Variants in ADM observed in about 807,000 individuals in gnomAD.
The protein encoded by ADM is adrenomedullin, also known as pro-adrenomedullin.
ADM carries 4 observed loss-of-function variants against 9.0 expected under a neutral mutation model. The ratio of observed to expected loss-of-function variants is 0.44; its 90% CI spans 0.22 to 1.02. The LOEUF is 1.02. Among genes scored for constraint, ADM ranks in the 50% least tolerant of loss-of-function variants. The pLI, the probability that ADM is intolerant of heterozygous loss-of-function variation, is 0.24. For synonymous variants in ADM, 107 were observed against 107.2 expected, an observed-to-expected ratio of 1.00 and a Z score of 0.01; for missense variants, 253 against 254.1, an observed-to-expected ratio of 1.00 and a Z score of 0.03.
Position 10,305,244 on chromosome 11 carries a change from C to T in ADM, c.-22+15C>T. The T allele has an allele frequency of 5.8e-6, 1 of 173,534 alleles. No individual in the cohort carries two copies. Among genetic ancestry groups the T allele is most frequent in the Non-Finnish European group, 1.2e-5 (1 of 80,514 alleles). The allele number at this position is 173,534 out of a possible 1,614,324, so 10.7% of individuals were successfully genotyped here. On this transcript the variant is annotated intron_variant, in intron 1 of 3. Transcript: ENST00000278175. ...TCTCTTAGCAGGTAGGTGCCGCAGA[C>T]CCTGCGGGTTAAGAGGTGGGGTGGG...
rs558026162 is a variant in ADM, at chr11:10,305,643, C to G, written c.-21-37C>G. 100 of 1,573,752 alleles carry G rather than the reference C, an allele frequency of 6.4e-5. No individual in the cohort carries two copies. In the African/African-American group the frequency reaches 1.3e-3, roughly 20 times the overall value. On this transcript the variant is annotated intron_variant, in intron 1 of 3. Transcript: ENST00000278175. Reference sequence around the variant, plus strand: ...CCCCGCCCGGGCGGTGCAGCTGGCCCGGGTGCTCACGCTCGACTCTCTTTC... The same window carrying G: ...CCCCGCCCGGGCGGTGCAGCTGGCCGGGGTGCTCACGCTCGACTCTCTTTC...
Position 10,306,312 on chromosome 11 carries a change from C to CGGGGG in ADM, c.249-20_249-19insGGGGG. 7 of 705,868 alleles carry CGGGGG rather than the reference C, an allele frequency of 9.9e-6. No individual in the cohort carries two copies. The highest frequency in any genetic ancestry group is 5.0e-5 in the East Asian group (1 of 20,032). The allele number at this position is 705,868 out of a possible 1,614,324, so 43.7% of individuals were successfully genotyped here. ...GATGGGGTCTCAAGTTGCCTTTCTTCCCCCTCCCCCCGCCCGCAGCAGTCC... is the reference window on the plus strand; with the variant it reads ...GATGGGGTCTCAAGTTGCCTTTCTTCGGGGGCCCCTCCCCCCGCCCGCAGCAGTCC... On this transcript the variant is annotated intron_variant, in intron 3 of 3. Transcript: ENST00000278175.
chr11:10,306,744 C>A lies in ADM; in HGVS notation c.*103C>A. ...CGGTGTGGGGACCGGGCTCTGACAGCCCTGCGGAGACCCTGAGTCCGGGAG... is the reference window on the plus strand; with the variant it reads ...CGGTGTGGGGACCGGGCTCTGACAGACCTGCGGAGACCCTGAGTCCGGGAG... On this transcript the variant is annotated 3_prime_UTR_variant, in exon 4 of 4. Coordinates refer to ENST00000278175, the MANE Select transcript of ADM (RefSeq NM_001124.3). The A allele has an allele frequency of 8.0e-7, 1 of 1,245,054 alleles. No homozygotes were observed. The allele number at this position is 1,245,054 out of a possible 1,614,324, so 77.1% of individuals were successfully genotyped here.
In ADM at chr11:10,306,112, G is replaced by A. The variant is rs756516009; in HGVS notation, c.248+14G>A. 3 of 1,613,508 alleles carry A rather than the reference G, an allele frequency of 1.9e-6. No individual in the cohort carries two copies. In the South Asian group the frequency reaches 3.3e-5, roughly 18 times the overall value. On this transcript the variant is annotated intron_variant, in intron 3 of 3. Transcript: ENST00000278175. ...CCCCGAAGACAGGTAACTACGCCCT[G>A]TGCTGTCCAGGGACGGGAGGGAAGG...
chr11:10,305,847 G>T, intron 2 of ADM, 49 bp downstream of exon 2: 1 of 1,612,698 alleles, frequency 6.2e-7, no homozygotes, highest in South Asian at 1.1e-5. Context: ...GCAGGCAAGG[G>T]GAACTGACCG....
chr11:10,306,000 C>G lies in ADM; in HGVS notation c.150C>G (p.Ser50Arg), dbSNP rs5005. The G allele has an allele frequency of 6.0e-3, 9,707 of 1,613,964 alleles. 204 individuals are homozygous for G. The African/African-American group carries it at 0.064, about 11-fold the overall frequency. Residue 50 changes from serine to arginine, a missense_variant, in exon 3 of 4, where the codon AGC (serine) becomes AGG (arginine). Physicochemically the swap from Ser to Arg is moderately radical, Grantham distance 110 (BLOSUM62 -1). Coordinates refer to ENST00000278175, the MANE Select transcript of ADM (RefSeq NM_001124.3). ...GGAAGAGGGAACTGCGGATGTCCAGCAGCTACCCCACCGGGCTCGCTGACG... is the reference window on the plus strand; with the variant it reads ...GGAAGAGGGAACTGCGGATGTCCAGGAGCTACCCCACCGGGCTCGCTGACG... ...SRGKRELRMS[S>R]SYPTGLADVK...
rs199526740 is a variant in ADM at position 10,306,592 on chromosome 11, C to T, written c.509C>T (p.Ala170Val). ...GRTLVSSKPQ[A>V]HGAPAPPSGS... ...ACTCTGGTGTCTTCTAAGCCACAAG[C>T]ACACGGGGCTCCAGCCCCCCCGAGT... The change falls in exon 4 of 4, where the codon GCA becomes GTA. Residue 170 changes from alanine (A) to valine (V), a missense_variant. Coordinates refer to ENST00000278175, the MANE Select transcript of ADM (RefSeq NM_001124.3). The T allele has an allele frequency of 5.0e-6, 8 of 1,597,538 alleles. No homozygotes were observed. The highest frequency in any genetic ancestry group is 6.8e-6 in the Non-Finnish European group (8 of 1,172,112).
rs1454223086 is a variant in ADM, at chr11:10,306,067, A to G, written c.217A>G (p.Met73Val). ...CCAGACCCTTATTCGGCCCCAGGAC[A>G]TGAAGGGTGCCTCTCGAAGCCCCGA... ...PAQTLIRPQD[M>V]KGASRSPEDS... Residue 73 changes from methionine to valine, a missense_variant, in exon 3 of 4, where the codon ATG becomes GTG. Physicochemically the swap from Met to Val is conservative, Grantham distance 21. Coordinates refer to ENST00000278175, the MANE Select transcript of ADM (RefSeq NM_001124.3). 1.2e-6 allele frequency: 2 copies of G among 1,613,858 alleles called. No homozygotes were observed. The highest frequency in any genetic ancestry group is 1.7e-6 in the Non-Finnish European group (2 of 1,180,006).
rs1366920018 is a variant in ADM, at chr11:10,305,601, C to G, written c.-21-79C>G. On this transcript the variant is annotated intron_variant, in intron 1 of 3. Transcript: ENST00000278175. Reference sequence around the variant, plus strand: ...GGGCTAAACCCGCCTCGCCGGGGCCCCTGCCCGCCCTCCGTGCCCCGCCCG... The same window carrying G: ...GGGCTAAACCCGCCTCGCCGGGGCCGCTGCCCGCCCTCCGTGCCCCGCCCG... The G allele has an allele frequency of 2.3e-6, 3 of 1,317,522 alleles. No homozygotes were observed. The African/African-American group carries it at 4.4e-5, about 19-fold the overall frequency. The allele number at this position is 1,317,522 out of a possible 1,614,324, so 81.6% of individuals were successfully genotyped here. A position where few individuals can be genotyped will look rare whatever the true frequency, so the allele number is the denominator to read the frequency against.
In ADM at chr11:10,305,742, C is replaced by G. The variant is rs756424797; in HGVS notation, c.42C>G (p.Leu14=). 1.4e-5 allele frequency: 23 copies of G among 1,614,048 alleles called. No individual in the cohort carries two copies. Among genetic ancestry groups the G allele is most frequent in the South Asian group, 6.6e-5 (6 of 91,090 alleles). The change falls in exon 2 of 4, where the codon CTC becomes CTG. Residue 14 remains leucine, a synonymous_variant. Transcript: ENST00000278175. ...TCGCCCTGATGTACCTGGGTTCGCTCGCCTTCCTAGGCGCTGACACCGCTC... is the reference window on the plus strand; with the variant it reads ...TCGCCCTGATGTACCTGGGTTCGCTGGCCTTCCTAGGCGCTGACACCGCTC... ...VSVALMYLGS[L]AFLGADTARL... is the part of the protein sequence containing the mutation.
Position 10,305,806 on chromosome 11 carries a change from C to A in ADM, c.98+8C>A. ...GTCGGAGTTTCGAAAGAAGTGAGTCCGGGCAGCGCCTTCCCCCTTGCTGGT... is the reference window on the plus strand; with the variant it reads ...GTCGGAGTTTCGAAAGAAGTGAGTCAGGGCAGCGCCTTCCCCCTTGCTGGT... On this transcript the variant is annotated splice_region_variant and intron_variant, in intron 2 of 3. Coordinates refer to ENST00000278175, the MANE Select transcript of ADM (RefSeq NM_001124.3). 6.2e-7 allele frequency: 1 copy of A among 1,614,058 alleles called. No homozygotes were observed. Among genetic ancestry groups the A allele is most frequent in the Non-Finnish European group, 8.5e-7 (1 of 1,179,978 alleles).
intron 2 of ADM, 43 bp downstream of exon 2, chr11:10,305,841 G>A: frequency 1.2e-6 from 2 of 1,613,044 alleles, no homozygotes; most frequent in Non-Finnish European, 1.7e-6. Context: ...TACCTGGCAG[G>A]CAAGGGGAAC....
chr11:10,307,352 A>G lies in ADM; in HGVS notation c.*711A>G, dbSNP rs1459397203. The G allele has an allele frequency of 6.6e-6, 1 of 152,656 alleles. No individual in the cohort carries two copies. The highest frequency in any genetic ancestry group is 1.5e-5 in the Non-Finnish European group (1 of 68,050). 9.5% of individuals were successfully genotyped at this position (152,656 alleles called of 1,614,324 possible). Reference sequence around the variant, plus strand: ...TCTCTGTATAATCTATTTACATAAAATGGGTGATATGCGAACAGCAAACCA... The same window carrying G: ...TCTCTGTATAATCTATTTACATAAAGTGGGTGATATGCGAACAGCAAACCA... On this transcript the variant is annotated 3_prime_UTR_variant, in exon 4 of 4. Coordinates refer to ENST00000278175, the MANE Select transcript of ADM (RefSeq NM_001124.3). This position sits in a 1 kb window ranked among gnomAD's most constrained non-coding sequence, Gnocchi z 4.5.
chr11:10,306,612 C>T lies in ADM; in HGVS notation c.529C>T (p.Pro177Ser), dbSNP rs373720232. The T allele has an allele frequency of 2.6e-6, 4 of 1,562,574 alleles. No individual in the cohort carries two copies. Among genetic ancestry groups the T allele is most frequent in the African/African-American group, 2.8e-5 (2 of 72,538 alleles). ...KPQAHGAPAPPSGSAPHFL is the reference protein window; with the variant it reads ...KPQAHGAPAPSSGSAPHFL ...ACAAGCACACGGGGCTCCAGCCCCC[C>T]CGAGTGGAAGTGCTCCCCACTTTCT... Residue 177 changes from proline to serine, a missense_variant, in exon 4 of 4, where the codon CCG (proline) becomes TCG (serine). Transcript: ENST00000278175.
At position 10,306,836 on chromosome 11, in the gene ADM, C is replaced by A; in HGVS notation, c.*195C>A. The stretch of plus-strand genomic sequence containing the variant: ...CTTCTGGGGGCTTCGCTTCCTTAGC[C>A]TTGCTCAGGTGCAAGTGCCCCAGGG... On this transcript the variant is annotated 3_prime_UTR_variant, in exon 4 of 4. Coordinates refer to ENST00000278175, the MANE Select transcript of ADM (RefSeq NM_001124.3). 1 of 520,820 alleles carries A rather than the reference C, an allele frequency of 1.9e-6. No homozygotes were observed. The highest frequency in any genetic ancestry group is 3.3e-6 in the Non-Finnish European group (1 of 305,254). 32.3% of individuals were successfully genotyped at this position (520,820 alleles called of 1,614,324 possible). A position where few individuals can be genotyped will look rare whatever the true frequency, so the allele number is the denominator to read the frequency against.
At chr11:10,306,231 C>T in intron 3 of ADM, 101 bp from the exon 4 acceptor site, 1 of 1,536,858 alleles carries the variant, frequency 6.5e-7, no homozygotes, top group Non-Finnish European at 8.8e-7. Flanking sequence ...CAGTTTCCAG[C>T]TCCCTCTGGC....
At chr11:10,305,451 C>A in intron 1 of ADM, 1 of 542,746 alleles carries the variant, frequency 1.8e-6, no homozygotes, top group South Asian at 2.1e-5. Flanking sequence ...TGAGCAGAGA[C>A]CCTCTGGGAG....
Position 10,306,565 on chromosome 11 carries a change from G to C in ADM, c.482G>C (p.Arg161Pro). 6.2e-7 allele frequency: 1 copy of C among 1,611,890 alleles called. No individual in the cohort carries two copies. Among genetic ancestry groups the C allele is most frequent in the Non-Finnish European group, 8.5e-7 (1 of 1,179,250 alleles). ...TCCCTGCCCGAGGCCGGCCCGGGTC[G>C]GACTCTGGTGTCTTCTAAGCCACAA... ...RRSLPEAGPGRTLVSSKPQAH... is the reference protein window; with the variant it reads ...RRSLPEAGPGPTLVSSKPQAH... Residue 161 changes from arginine (R) to proline (P), a missense_variant, in exon 4 of 4, where the codon CGG (arginine) becomes CCG (proline). Transcript: ENST00000278175.
chr11:10,306,371 C>T lies in ADM; in HGVS notation c.288C>T (p.Arg96=), dbSNP rs780346402. The change falls in exon 4 of 4, where the codon CGC becomes CGT. Residue 96 remains arginine (R), a synonymous_variant. Transcript: ENST00000278175. The part of the protein sequence containing the change: ...DAARIRVKRY[R]QSMNNFQGLR... ...CCCGCATCCGAGTCAAGCGCTACCG[C>T]CAGAGCATGAACAACTTCCAGGGCC... The T allele has an allele frequency of 3.7e-6, 6 of 1,612,706 alleles. No individual in the cohort carries two copies. The highest frequency in any genetic ancestry group is 5.1e-6 in the Non-Finnish European group (6 of 1,179,768).
Sources: allele counts gnomAD v4.1 joint callset, GRCh38; gene constraint gnomAD v4.1.1; non-coding constraint Gnocchi (gnomAD v3.1); transcripts MANE v1.5; gene names NCBI Gene and HGNC (gene_info 2026-07-23, HGNC 2026-07-21).